Variants in LOC128462377 observed in about 807,000 individuals in gnomAD.
the LOC128462377 span, among the ~76,000 whole-genome samples, chr16:89,405,695 A>G: frequency 6.6e-6 from 1 of 151,970 alleles, no homozygotes; most frequent in African/African-American, 2.4e-5. Context: ...TCTCACAGGG[A>G]CAATTCAGGA....
At chr16:89,407,415 CCCCAGGCCCTT>C in the LOC128462377 span, among the ~76,000 whole-genome samples, 1 of 152,172 alleles carries the variant, frequency 6.6e-6, no homozygotes, top group East Asian at 1.9e-4. Context: ...TGGGCTGCCT[CCCCAGGCCCTT>C]CCCAGCATTT....
chr16:89,323,187 T>C, the LOC128462377 span: 1 of 659,748 alleles, frequency 1.5e-6, no homozygotes, highest in Non-Finnish European at 2.3e-6. Flanking sequence ...TGTGCACACC[T>C]CACAGGGAGA....
the LOC128462377 span, among the ~76,000 whole-genome samples, chr16:89,355,444 T>C: frequency 7.2e-5 from 11 of 152,304 alleles, no homozygotes; most frequent in African/African-American, 2.6e-4. Flanking sequence ...ACTGTTTGCC[T>C]GAAAGACCTA....
At chr16:89,323,554 GGTCTGAGCTAAGGGC>G in the LOC128462377 span, among the ~76,000 whole-genome samples, 3 of 49,402 alleles carry the variant, frequency 6.1e-5, no homozygotes, top group South Asian at 6.1e-4. Context: ...GAGGGCAGGG[GGTCTGAGCTAAGGGC>G]ACGGGGGCTA....
At chr16:89,384,562 G>C in the LOC128462377 span, among the ~76,000 whole-genome samples, 1 of 152,032 alleles carries the variant, frequency 6.6e-6, no homozygotes, top group African/African-American at 2.4e-5. Context: ...GATGGGAATG[G>C]GACAGGATGG....
At chr16:89,363,423 T>C in the LOC128462377 span, among the ~76,000 whole-genome samples, 1 of 151,526 alleles carries the variant, frequency 6.6e-6, no homozygotes, top group Non-Finnish European at 1.5e-5. Context: ...CATGTATACA[T>C]ATGTAACAAA....
At chr16:89,375,379 G>A in the LOC128462377 span, among the ~76,000 whole-genome samples, 4 of 152,192 alleles carry the variant, frequency 2.6e-5, no homozygotes, top group African/African-American at 7.2e-5. Flanking sequence ...GTTTGAGCCC[G>A]GGAGTCCAAG....
chr16:89,381,331 C>CAAA, the LOC128462377 span, among the ~76,000 whole-genome samples: 18 of 76,354 alleles, frequency 2.4e-4, no homozygotes, highest in African/African-American at 4.0e-4. Context: ...GACTCTGCTG[C>CAAA]AAAAAAAAAA....
the LOC128462377 span, among the ~76,000 whole-genome samples, chr16:89,393,851 G>A: frequency 6.6e-6 from 1 of 152,196 alleles, no homozygotes; most frequent in South Asian, 2.1e-4. Context: ...TCAGACAGTG[G>A]GAATAATCAT....
chr16:89,337,708 G>A, the LOC128462377 span, among the ~76,000 whole-genome samples: 2 of 152,086 alleles, frequency 1.3e-5, no homozygotes, highest in South Asian at 2.1e-4. Flanking sequence ...CCAAAGTGCT[G>A]GGATTACAGG....
the LOC128462377 span, among the ~76,000 whole-genome samples, chr16:89,374,443 T>C: frequency 1.3e-5 from 2 of 152,084 alleles, no homozygotes; most frequent in East Asian, 1.9e-4. Context: ...GAACTGTACA[T>C]CCAGAAAAGC....
chr16:89,358,829 T>C, the LOC128462377 span, among the ~76,000 whole-genome samples: 3 of 151,898 alleles, frequency 2.0e-5, no homozygotes, highest in East Asian at 5.8e-4. Flanking sequence ...TTTTTGCCTG[T>C]AGGTTTTTTT....
At chr16:89,390,482 C>T in the LOC128462377 span, among the ~76,000 whole-genome samples, 3 of 152,206 alleles carry the variant, frequency 2.0e-5, no homozygotes, top group South Asian at 4.1e-4. Context: ...GAAAAAAATA[C>T]GTGAAGGAAT....
chr16:89,338,122 C>T, the LOC128462377 span, among the ~76,000 whole-genome samples: 1 of 152,202 alleles, frequency 6.6e-6, no homozygotes, highest in Admixed American at 6.5e-5. Flanking sequence ...GGACGCCGCC[C>T]GTCAGGCTCC....
the LOC128462377 span, among the ~76,000 whole-genome samples, chr16:89,336,109 C>T: frequency 6.6e-6 from 1 of 152,230 alleles, no homozygotes; most frequent in African/African-American, 2.4e-5. Flanking sequence ...TGATCGTTTT[C>T]AGCCACACGG....
At chr16:89,371,949 T>C in the LOC128462377 span, among the ~76,000 whole-genome samples, 7 of 152,036 alleles carry the variant, frequency 4.6e-5, no homozygotes, top group Admixed American at 6.5e-5. Context: ...GGCTGCTCCA[T>C]AGAAATCAGC....
At chr16:89,388,733 G>A in the LOC128462377 span, among the ~76,000 whole-genome samples, 4 of 152,264 alleles carry the variant, frequency 2.6e-5, no homozygotes, top group Admixed American at 2.6e-4. Context: ...GGCAGGTCCC[G>A]GGCTCACACA....
the LOC128462377 span, among the ~76,000 whole-genome samples, chr16:89,391,853 G>A: frequency 5.9e-5 from 9 of 152,306 alleles, no homozygotes; most frequent in South Asian, 1.2e-3. Context: ...ATATCTGCTA[G>A]CCTTAATAAA....
the LOC128462377 span, among the ~76,000 whole-genome samples, chr16:89,326,246 G>A: frequency 2.6e-5 from 4 of 152,186 alleles, no homozygotes; most frequent in African/African-American, 9.7e-5. Flanking sequence ...TTGCGAGGGT[G>A]GAAATAAACA....
Sources: allele counts gnomAD v4.1 joint callset (sites outside exome capture counted in the v4.1 genomes callset), GRCh38; gene constraint gnomAD v4.1.1; transcripts MANE v1.5.